The following MATN3 variants were observed in gnomAD, a reference collection of about 807,000 sequenced individuals.
The protein encoded by MATN3 is matrilin-3.
In MATN3, 48 loss-of-function variants were observed where a neutral mutation model predicts 45.3. The ratio of observed to expected loss-of-function variants is 1.06; its 90% confidence interval spans 0.84 to 1.35. MATN3 has a LOEUF of 1.35. Ranked by LOEUF, MATN3 falls within the 40% of genes most tolerant of loss-of-function variation. MATN3 has a pLI of 0.00. For missense variants in MATN3, 599 were observed against 628.0 expected, an observed-to-expected ratio of 0.95 and a Z score of 0.49; for synonymous variants, 217 against 245.9, an observed-to-expected ratio of 0.88 and a Z score of 1.10.
intron 1 of MATN3, among the ~76,000 whole-genome samples, chr2:20,007,839 T>A (rs183508808): frequency 2.6e-5 from 4 of 152,370 alleles, no homozygotes; most frequent in African/African-American, 9.6e-5. Context: ...TACATTTTAG[T>A]GTTCATCTAT....
chr2:19,997,900 G>T (rs1672911165), intron 5 of MATN3: 1 of 152,214 alleles, frequency 6.6e-6, no homozygotes, highest in Non-Finnish European at 1.5e-5. Context: ...AATGCAGTTT[G>T]CCCAAATTTG....
At chr2:20,005,302 C>A (rs556038004) in intron 2 of MATN3, among the ~76,000 whole-genome samples, 27 of 152,266 alleles carry the variant, frequency 1.8e-4, no homozygotes, top group South Asian at 8.3e-4. Context: ...TTCTCCCTGT[C>A]TTCTGCAGGA....
chr2:20,010,084 A>AAAAAC (rs1673191052), intron 1 of MATN3, among the ~76,000 whole-genome samples: 3 of 150,162 alleles, frequency 2.0e-5, no homozygotes, highest in African/African-American at 7.3e-5. Flanking sequence ...AAAAAAAAAA[A>AAAAAC]AAAAAACCTC....
rs1490928331 is a variant in MATN3, at chr2:19,994,283, C to G, written c.1405+16G>C. ...TTGGCTCCAGGCAGAAGGAGAAAAC[C>G]TTCCAGAAAGGATATGTTTAGTGTT... On this transcript the variant is annotated intron_variant, in intron 7 of 7. Transcript: ENST00000407540. 6.3e-7 allele frequency: 1 copy of G among 1,578,374 alleles called. No individual in the cohort carries two copies. The highest frequency in any genetic ancestry group is 1.7e-5 in the Admixed American group (1 of 59,148).
At chr2:19,998,568 C>A (rs537070311) in intron 5 of MATN3, among the ~76,000 whole-genome samples, 2 of 152,194 alleles carry the variant, frequency 1.3e-5, no homozygotes, top group Admixed American at 1.3e-4. Flanking sequence ...CAAGCTTGGA[C>A]AAAATGTCAA....
chr2:19,996,564 G>C (rs1424960374), intron 6 of MATN3, among the ~76,000 whole-genome samples: 1 of 152,168 alleles, frequency 6.6e-6, no homozygotes, highest in Admixed American at 6.5e-5. Flanking sequence ...ATGAGTGAGT[G>C]CAGGGCATGC....
At position 19,994,402 on chromosome 2, in the gene MATN3, C is replaced by T; in HGVS notation, c.1302G>A (p.Glu434=). Reference sequence around the variant, plus strand: ...CAGTGGAAACAAGTCTTCGTGCTTCCTCAGTGGCTGAAGACAATGACAGTA... The same window carrying T: ...CAGTGGAAACAAGTCTTCGTGCTTCTTCAGTGGCTGAAGACAATGACAGTA... ...NEDKKTCSAT[E]EARRLVSTED... The change falls in exon 7 of 8, where the codon GAG becomes GAA. Residue 434 remains glutamate, a synonymous_variant. Coordinates refer to ENST00000407540, the MANE Select transcript of MATN3 (RefSeq NM_002381.5). 1 of 1,598,590 alleles carries T rather than the reference C, an allele frequency of 6.3e-7. No homozygotes were observed. The highest frequency in any genetic ancestry group is 8.6e-7 in the Non-Finnish European group (1 of 1,166,682).
chr2:20,006,810 CTT>C (rs1023488508), intron 1 of MATN3, among the ~76,000 whole-genome samples: 15 of 152,224 alleles, frequency 9.9e-5, no homozygotes, highest in African/African-American at 3.6e-4. Context: ...TGGCCCCCCT[CTT>C]TTACTCCACT....
intron 1 of MATN3, among the ~76,000 whole-genome samples, chr2:20,010,853 T>C (rs1302960588): frequency 6.6e-6 from 1 of 152,228 alleles, no homozygotes; most frequent in African/African-American, 2.4e-5. Flanking sequence ...AGAAAACTAA[T>C]ACCTGAGGCT....
intron 1 of MATN3, among the ~76,000 whole-genome samples, chr2:20,010,066 C>CAAAAAAAA (rs1558376342): frequency 5.4e-4 from 3 of 5,558 alleles, no homozygotes; most frequent in Non-Finnish European, 7.4e-4. Context: ...TCTTCAAATA[C>CAAAAAAAA]TAAAAAAAAA....
At chr2:20,008,600 C>T (rs1673158359) in intron 1 of MATN3, among the ~76,000 whole-genome samples, 1 of 152,114 alleles carries the variant, frequency 6.6e-6, no homozygotes, top group Non-Finnish European at 1.5e-5. Flanking sequence ...AGAAAATCTT[C>T]CTTTCAGTAA....
At chr2:20,004,667 A>G (rs1006679041) in intron 2 of MATN3, among the ~76,000 whole-genome samples, 6 of 152,350 alleles carry the variant, frequency 3.9e-5, no homozygotes, top group African/African-American at 1.4e-4. Context: ...CTTGAAATGT[A>G]TAATTGTAAT....
rs774204299 is a variant in MATN3 at position 20,006,259 on chromosome 2, C to T, written c.275G>A (p.Arg92His). The change falls in exon 2 of 8, where the codon CGT (arginine) becomes CAT (histidine). Residue 92 changes from arginine to histidine, a missense_variant. Transcript: ENST00000407540. ...LDLVFIIDSS[R>H]SVRPLEFTKV... ...GGTGAATTCCAGGGGCCGTACGCTACGAGAACTATCAATGATAAACACCAG... is the reference window on the plus strand; with the variant it reads ...GGTGAATTCCAGGGGCCGTACGCTATGAGAACTATCAATGATAAACACCAG... 1.4e-5 allele frequency: 22 copies of T among 1,603,726 alleles called. No individual in the cohort carries two copies. The highest frequency in any genetic ancestry group is 1.7e-4 in the Middle Eastern group (1 of 6,036).
At chr2:20,002,359 AC>A (rs1200498137) in intron 3 of MATN3, among the ~76,000 whole-genome samples, 1 of 151,986 alleles carries the variant, frequency 6.6e-6, no homozygotes, top group Non-Finnish European at 1.5e-5. Flanking sequence ...CCTCCCAAAA[AC>A]TTTTTTCTAG....
At position 20,006,211 on chromosome 2, in the gene MATN3, C is replaced by T. The variant is rs761923957; in HGVS notation, c.323G>A (p.Arg108Gln). 40 of 1,613,296 alleles carry T rather than the reference C, an allele frequency of 2.5e-5. No individual in the cohort carries two copies. The highest frequency in any genetic ancestry group is 1.6e-4 in the Middle Eastern group (1 of 6,082). ...CCCAATGTCCAGAGTGTCGATTATCCGGGAGACAAAAGTTTTCACTTTGGT... is the reference window on the plus strand; with the variant it reads ...CCCAATGTCCAGAGTGTCGATTATCTGGGAGACAAAAGTTTTCACTTTGGT... ...EFTKVKTFVS[R>Q]IIDTLDIGPA... is the part of the protein sequence containing the mutation. The change falls in exon 2 of 8, where the codon CGG becomes CAG. Residue 108 changes from arginine to glutamine, a missense_variant. Transcript: ENST00000407540.
At chr2:19,993,708 A>G (rs1278143916) in intron 7 of MATN3, among the ~76,000 whole-genome samples, 1 of 152,194 alleles carries the variant, frequency 6.6e-6, no homozygotes, top group Non-Finnish European at 1.5e-5. Context: ...AAAAGTCTCT[A>G]CATACGCCTA....
At position 20,005,908 on chromosome 2, in the gene MATN3, C is replaced by T. The variant is rs749845872; in HGVS notation, c.626G>A (p.Arg209Gln). Residue 209 changes from arginine (R) to glutamine (Q), a missense_variant, in exon 2 of 8, where the codon CGG becomes CAG. By Grantham distance (43) the Arg-to-Gln change is conservative. Coordinates refer to ENST00000407540, the MANE Select transcript of MATN3 (RefSeq NM_002381.5). ...GAGCTCAATACCAGATGCTTGGGCCCGAGCCGCCACCTCATTCACCTGGTC... is the reference window on the plus strand; with the variant it reads ...GAGCTCAATACCAGATGCTTGGGCCTGAGCCGCCACCTCATTCACCTGGTC... ...PQDQVNEVAA[R>Q]AQASGIELYA... 15 of 1,609,802 alleles carry T rather than the reference C, an allele frequency of 9.3e-6. No individual in the cohort carries two copies. Among genetic ancestry groups the T allele is most frequent in the South Asian group, 3.3e-5 (3 of 90,352 alleles).
chr2:20,010,066 C>CAAAAAAAAAAAAAAAAAAAAAAAAAAAA (rs1558376342), intron 1 of MATN3, among the ~76,000 whole-genome samples: 13 of 5,540 alleles, frequency 2.3e-3, no homozygotes, highest in Non-Finnish European at 2.7e-3. Flanking sequence ...TCTTCAAATA[C>CAAAAAAAAAAAAAAAAAAAAAAAAAAAA]TAAAAAAAAA....
intron 4 of MATN3, among the ~76,000 whole-genome samples, 166 bp downstream of exon 4, chr2:20,001,789 A>G (rs987763883): frequency 2.6e-5 from 4 of 152,210 alleles, no homozygotes; most frequent in Admixed American, 1.3e-4. Flanking sequence ...AGATACATAC[A>G]TGTTACCATT....
Sources: allele counts gnomAD v4.1 joint callset (sites outside exome capture counted in the v4.1 genomes callset), GRCh38; gene constraint gnomAD v4.1.1; transcripts MANE v1.5; gene names NCBI Gene and HGNC (gene_info 2026-07-23, HGNC 2026-07-21).